Variants in SPAG16 observed in about 807,000 individuals in gnomAD.
SPAG16 encodes sperm associated antigen 16, also known as sperm-associated antigen 16 protein.
SPAG16 carries 86 observed loss-of-function variants against 80.4 expected under a neutral mutation model. The observed-to-expected ratio is 1.07, with a 90% CI of 0.90 to 1.28. The LOEUF is 1.28. Among genes scored for constraint, SPAG16 ranks in the 50% most tolerant of loss-of-function variants. The pLI is 0.00. For synonymous variants in SPAG16, 294 were observed against 265.9 expected (o/e 1.11, Z -1.03); for missense variants, 870 against 765.3 (o/e 1.14, Z -1.61).
intron 10 of SPAG16, among the ~76,000 whole-genome samples, chr2:213,582,269 CTAAGT>C (rs1488558809): frequency 6.6e-6 from 1 of 152,032 alleles, no homozygotes; most frequent in East Asian, 1.9e-4. Context: ...TGTGTCCTTC[CTAAGT>C]TATTTTGTAA....
At chr2:213,309,747 G>T (rs1003572523) in intron 3 of SPAG16, among the ~76,000 whole-genome samples, 2 of 151,906 alleles carry the variant, frequency 1.3e-5, no homozygotes, top group African/African-American at 4.8e-5. Flanking sequence ...CCTACACTTG[G>T]TTCTATCTTT....
chr2:213,304,310 C>T (rs980969033), intron 3 of SPAG16, among the ~76,000 whole-genome samples: 1 of 152,044 alleles, frequency 6.6e-6, no homozygotes, highest in Non-Finnish European at 1.5e-5. Context: ...CATATATTTT[C>T]TCCCATTCTA....
intron 10 of SPAG16, among the ~76,000 whole-genome samples, chr2:213,853,949 C>T (rs924966636): frequency 6.6e-6 from 1 of 152,038 alleles, no homozygotes; most frequent in Non-Finnish European, 1.5e-5. Context: ...GAGCTTTTCC[C>T]CCAAGATTAG....
At chr2:213,721,719 C>T (rs751287481) in intron 10 of SPAG16, among the ~76,000 whole-genome samples, 12 of 151,946 alleles carry the variant, frequency 7.9e-5, no homozygotes, top group Non-Finnish European at 1.3e-4. Context: ...ATAGTAAACC[C>T]TAGTATGCCA....
chr2:214,388,100 A>G (rs563625200), intron 15 of SPAG16, among the ~76,000 whole-genome samples: 10 of 152,138 alleles, frequency 6.6e-5, no homozygotes, highest in African/African-American at 2.4e-4. Context: ...TGTTGGAGAG[A>G]TTCACATTTT....
At chr2:214,124,618 G>A (rs1259387891) in intron 14 of SPAG16, among the ~76,000 whole-genome samples, 2 of 151,806 alleles carry the variant, frequency 1.3e-5, no homozygotes, top group Non-Finnish European at 2.9e-5. Context: ...ACAATTACAA[G>A]AAAACTTGAT....
intron 12 of SPAG16, among the ~76,000 whole-genome samples, chr2:214,003,344 C>T (rs2046882602): frequency 6.6e-6 from 1 of 152,174 alleles, no homozygotes; most frequent in Admixed American, 6.5e-5. Context: ...TATATGTTTT[C>T]TGCCTATAGA....
At chr2:213,761,680 G>A (rs2068662890) in intron 10 of SPAG16, among the ~76,000 whole-genome samples, 2 of 151,978 alleles carry the variant, frequency 1.3e-5, no homozygotes, top group Admixed American at 6.6e-5. Context: ...CTAACATGGT[G>A]AAACCCCATC....
At chr2:213,536,488 C>G (rs1194023844) in intron 10 of SPAG16, among the ~76,000 whole-genome samples, 1 of 152,160 alleles carries the variant, frequency 6.6e-6, no homozygotes, top group African/African-American at 2.4e-5. Flanking sequence ...TCTCCAGCAC[C>G]TGTTGTTTCC....
chr2:214,261,042 G>C (rs1432119415), intron 15 of SPAG16, among the ~76,000 whole-genome samples: 2 of 136,528 alleles, frequency 1.5e-5, no homozygotes, highest in African/African-American at 5.5e-5. Context: ...GGGAGGCAGA[G>C]GTTGCAGTGA....
At chr2:214,291,677 G>C (rs1208721056) in intron 15 of SPAG16, among the ~76,000 whole-genome samples, 1 of 152,124 alleles carries the variant, frequency 6.6e-6, no homozygotes, top group Non-Finnish European at 1.5e-5. Flanking sequence ...TTACATTCAA[G>C]GTTATTATTG....
intron 11 of SPAG16, among the ~76,000 whole-genome samples, chr2:213,912,806 C>T (rs545285752): frequency 5.9e-5 from 9 of 152,094 alleles, no homozygotes; most frequent in Non-Finnish European, 8.8e-5. Flanking sequence ...AGCTAAGTGG[C>T]CCAGCTGACC....
chr2:214,191,703 G>T (rs1369552057), intron 15 of SPAG16, among the ~76,000 whole-genome samples: 2 of 112,006 alleles, frequency 1.8e-5, no homozygotes, highest in African/African-American at 3.7e-5. Context: ...AACAGAGTGA[G>T]ACTCTGTCTC....
chr2:214,036,126 A>C (rs1033927639), intron 13 of SPAG16, among the ~76,000 whole-genome samples: 1 of 152,192 alleles, frequency 6.6e-6, no homozygotes, highest in African/African-American at 2.4e-5. Context: ...ATTTTCATTT[A>C]TATCAGTGGA....
chr2:213,577,794 G>T (rs1054652806), intron 10 of SPAG16, among the ~76,000 whole-genome samples: 3 of 152,118 alleles, frequency 2.0e-5, no homozygotes, highest in Non-Finnish European at 2.9e-5. Context: ...GTCCAGCTGG[G>T]CATTCTGGAG....
Position 213,684,258 on chromosome 2 carries a change from CT to C in SPAG16, c.1071-178225del, listed in dbSNP as rs566314611. On this transcript the variant is annotated intron_variant, in intron 10 of 15. Transcript: ENST00000331683. ...CGTGTGACTAACTTGTAGCTTATGC[CT>C]TGTGTATGTGCATATTCATGGTTAA... Among the ~76,000 whole-genome samples the C allele has an allele frequency of 7.9e-5, 12 of 152,232 alleles. 1 individual carries two copies. In the East Asian group the frequency reaches 1.9e-3, roughly 24 times the overall value.
At chr2:213,787,592 A>C (rs1433188855) in intron 10 of SPAG16, among the ~76,000 whole-genome samples, 1 of 152,102 alleles carries the variant, frequency 6.6e-6, no homozygotes, top group African/African-American at 2.4e-5. Context: ...GTGGGAAAGC[A>C]TTGTGGGTTA....
intron 13 of SPAG16, among the ~76,000 whole-genome samples, chr2:214,092,373 T>C (rs1232596644): frequency 1.3e-5 from 2 of 152,236 alleles, no homozygotes; most frequent in East Asian, 3.9e-4. Context: ...AATTGGTAGT[T>C]GTCACTTTAT....
At chr2:214,011,847 A>C (rs1288228548) in intron 12 of SPAG16, among the ~76,000 whole-genome samples, 10 of 152,122 alleles carry the variant, frequency 6.6e-5, no homozygotes, top group Admixed American at 6.6e-4. Flanking sequence ...GCAAATTTTC[A>C]TATCTTTTGA....
Sources: gnomAD v4.1 joint callset for allele counts (sites outside exome capture counted in the v4.1 genomes callset) on GRCh38, gnomAD v4.1.1 for gene constraint, MANE v1.5 for transcripts, NCBI Gene and HGNC (gene_info 2026-07-23, HGNC 2026-07-21) for gene names.